MAML3: variants seen among roughly 807,000 people sequenced by gnomAD.
MAML3 encodes the protein mastermind like transcriptional coactivator 3.
MAML3 carries 27 observed loss-of-function variants against 101.9 expected under a neutral mutation model. The ratio of observed to expected loss-of-function variants is 0.27; its 90% CI spans 0.20 to 0.37. MAML3 has a LOEUF of 0.37. Among genes scored for constraint, MAML3 ranks in the 10% least tolerant of loss-of-function variants. The probability of loss-of-function intolerance (pLI) is 1.00; values close to 1 mark genes in which losing one functional copy is unlikely to be tolerated. For synonymous variants in MAML3, 501 were observed against 555.9 expected (o/e 0.90, Z 1.39); for missense variants, 1,316 against 1,444.9 (o/e 0.91, Z 1.45).
intron 1 of MAML3, among the ~76,000 whole-genome samples, chr4:140,001,228 G>A (rs751043652): frequency 2.0e-5 from 3 of 152,230 alleles, no homozygotes; most frequent in East Asian, 1.9e-4. Flanking sequence ...TTTTAGCCAC[G>A]TTCAGTTCTT....
intron 1 of MAML3, among the ~76,000 whole-genome samples, chr4:140,044,025 A>C (rs950219883): frequency 1.3e-5 from 2 of 152,186 alleles, no homozygotes; most frequent in African/African-American, 4.8e-5. Context: ...TTCATTTTTC[A>C]TGGAGATGTT....
chr4:140,036,137 C>T (rs1396204388), intron 1 of MAML3, among the ~76,000 whole-genome samples: 1 of 152,232 alleles, frequency 6.6e-6, no homozygotes, highest in East Asian at 1.9e-4. Flanking sequence ...AGCTTACACA[C>T]AGTGTCAGTC....
At chr4:140,016,844 A>G (rs1409150532) in intron 1 of MAML3, among the ~76,000 whole-genome samples, 4 of 152,222 alleles carry the variant, frequency 2.6e-5, no homozygotes, top group Non-Finnish European at 5.9e-5. Flanking sequence ...TGTAAAATGT[A>G]AAACTATAAA....
intron 2 of MAML3, among the ~76,000 whole-genome samples, chr4:139,824,748 T>C (rs1282022405): frequency 3.9e-5 from 6 of 152,202 alleles, no homozygotes; most frequent in Non-Finnish European, 7.3e-5. Flanking sequence ...CTTTTTAGCA[T>C]GACAATATCA....
At chr4:139,820,852 A>G (rs1199002865) in intron 2 of MAML3, among the ~76,000 whole-genome samples, 2 of 152,112 alleles carry the variant, frequency 1.3e-5, no homozygotes, top group African/African-American at 4.8e-5. Flanking sequence ...ATCCTTATAC[A>G]TATATTTTTG....
At chr4:140,096,881 T>C (rs933219147) in intron 1 of MAML3, among the ~76,000 whole-genome samples, 2 of 124,962 alleles carry the variant, frequency 1.6e-5, no homozygotes, top group African/African-American at 5.8e-5. Flanking sequence ...TATTTTAAGA[T>C]GATTTCTATC....
chr4:140,074,215 A>AGAGAGAGAGAGAAAGAAAG (rs1727724912), intron 1 of MAML3, among the ~76,000 whole-genome samples: 1 of 107,248 alleles, frequency 9.3e-6, no homozygotes, highest in Admixed American at 1.0e-4. Context: ...GAAAGAAAGA[A>AGAGAGAGAGAGAAAGAAAG]AGAAAGAAAG....
intron 2 of MAML3, among the ~76,000 whole-genome samples, chr4:139,773,638 G>A (rs1730038795): frequency 6.6e-6 from 1 of 152,180 alleles, no homozygotes; most frequent in African/African-American, 2.4e-5. Context: ...ATGAGCCTGT[G>A]CAAAACAAAA....
At chr4:139,813,907 C>A (rs1272374792) in intron 2 of MAML3, among the ~76,000 whole-genome samples, 1 of 151,974 alleles carries the variant, frequency 6.6e-6, no homozygotes, top group Non-Finnish European at 1.5e-5. Flanking sequence ...CAGGACAGGA[C>A]CACAAAAAAC....
chr4:139,870,147 A>G (rs1413337913), intron 2 of MAML3, among the ~76,000 whole-genome samples: 2 of 152,258 alleles, frequency 1.3e-5, no homozygotes, highest in Admixed American at 6.5e-5. Flanking sequence ...ACTGTGGATC[A>G]GAGTTTCTCA....
chr4:139,956,047 T>C (rs1381513404), intron 1 of MAML3, among the ~76,000 whole-genome samples: 2 of 152,216 alleles, frequency 1.3e-5, no homozygotes, highest in East Asian at 3.9e-4. Flanking sequence ...CCTTACCTTT[T>C]CTAATGCAAA....
intron 2 of MAML3, among the ~76,000 whole-genome samples, chr4:139,849,474 T>C (rs1027753241): frequency 6.6e-6 from 1 of 152,160 alleles, no homozygotes; most frequent in African/African-American, 2.4e-5. Flanking sequence ...AGATCTGACC[T>C]CAAAGCTGAT....
intron 1 of MAML3, among the ~76,000 whole-genome samples, chr4:140,045,326 T>C (rs183669360): frequency 5.7e-4 from 81 of 141,110 alleles, no homozygotes; most frequent in African/African-American, 2.0e-3. Flanking sequence ...ATCCATGAGG[T>C]GGAGGCTGCA....
At chr4:139,979,719 A>G (rs572016086) in intron 1 of MAML3, among the ~76,000 whole-genome samples, 41 of 152,270 alleles carry the variant, frequency 2.7e-4, no homozygotes, top group African/African-American at 9.4e-4. Context: ...CCTCCCCTTT[A>G]GAAGATGTGG....
intron 1 of MAML3, among the ~76,000 whole-genome samples, chr4:139,921,167 C>T (rs939299763): frequency 3.9e-5 from 6 of 152,144 alleles, no homozygotes; most frequent in African/African-American, 7.2e-5. Context: ...TCTGGGAAAT[C>T]GAGGTCTGAA....
At chr4:139,739,688 T>TTC (rs1729087345) in intron 2 of MAML3, among the ~76,000 whole-genome samples, 2 of 144,178 alleles carry the variant, frequency 1.4e-5, no homozygotes, top group Admixed American at 6.9e-5. Context: ...AGTTTTTTTT[T>TTC]TTTTTTCTTT....
At chr4:139,886,401 G>A (rs1395147173) in intron 2 of MAML3, among the ~76,000 whole-genome samples, 2 of 152,036 alleles carry the variant, frequency 1.3e-5, no homozygotes, top group East Asian at 3.8e-4. Flanking sequence ...AGAAAATTCA[G>A]TTAAATATAA....
chr4:139,845,160 A>C (rs770881238), intron 2 of MAML3, among the ~76,000 whole-genome samples: 13 of 152,150 alleles, frequency 8.5e-5, no homozygotes, highest in Non-Finnish European at 1.6e-4. Context: ...ATGATAGGGT[A>C]TGTGTGTGGG....
intron 1 of MAML3, among the ~76,000 whole-genome samples, chr4:140,091,916 T>C (rs1728058342): frequency 6.6e-6 from 1 of 152,002 alleles, no homozygotes; most frequent in African/African-American, 2.4e-5. Context: ...TCTGAGCAGG[T>C]AAAACAGCAG....
Sources: gnomAD v4.1 joint callset for allele counts (sites outside exome capture counted in the v4.1 genomes callset) on GRCh38, gnomAD v4.1.1 for gene constraint, MANE v1.5 for transcripts, NCBI Gene and HGNC (gene_info 2026-07-23, HGNC 2026-07-21) for gene names.